Variants in TSR2 observed in about 807,000 individuals in gnomAD.
TSR2 encodes pre-rRNA-processing protein TSR2 homolog.
A neutral mutation model predicts 13.3 loss-of-function variants in TSR2; 1 was observed. That is an observed-to-expected ratio of 0.08 (90% CI 0.03 to 0.36). TSR2 has a LOEUF of 0.36. Ranked by LOEUF, TSR2 falls within the 10% of genes least tolerant of loss-of-function variation. TSR2 has a pLI of 0.99. For missense variants in TSR2, 120 were observed against 151.1 expected, an observed-to-expected ratio of 0.79 and a Z score of 1.08; for synonymous variants, 60 against 57.7, an observed-to-expected ratio of 1.04 and a Z score of -0.18.
At chrX:54,444,260 A>T in intron 4 of TSR2, 76 bp downstream of exon 4, 1 of 1,174,762 alleles carries the variant, frequency 8.5e-7, no homozygotes, top group African/African-American at 1.8e-5. Context: ...TTCACAGGGA[A>T]GTGATAAGGG....
rs931905564 is a variant in TSR2, at chrX:54,447,525, C to T, written c.*2975C>T. 17 of 1,072,153 alleles carry T rather than the reference C, an allele frequency of 1.6e-5. No homozygotes were observed. The African/African-American group carries it at 2.8e-4, about 17-fold the overall frequency. 88.4% of individuals were successfully genotyped at this position (1,072,153 alleles called of 1,213,427 possible). On this transcript the variant is annotated 3_prime_UTR_variant, in exon 5 of 5. Transcript: ENST00000375151. ...CTGGCTCCTCCTAGCTTTAATACCT[C>T]CTCAGTGTAGGGACTGCTATTCCTA...
chrX:54,440,449 G>T lies in TSR2; in HGVS notation c.28G>T (p.Ala10Ser), dbSNP rs752641088. 1.1e-5 allele frequency: 13 copies of T among 1,130,518 alleles called. No individual in the cohort carries two copies. The South Asian group carries it at 2.7e-4, about 23-fold the overall frequency. 93.2% of individuals were successfully genotyped at this position (1,130,518 alleles called of 1,213,427 possible). The change falls in exon 1 of 5, where the codon GCT becomes TCT. Residue 10 changes from alanine to serine, a missense_variant. Physicochemically the swap from Ala to Ser is moderately conservative, Grantham distance 99 (BLOSUM62 1). Coordinates refer to ENST00000375151, the MANE Select transcript of TSR2 (RefSeq NM_058163.3). MAGAAEDAR[A>S]LFRAGVCAAL... ...GGCGGGCGCTGCAGAAGATGCGCGAGCTCTTTTCCGGGCTGGGGTCTGCGC... is the reference window on the plus strand; with the variant it reads ...GGCGGGCGCTGCAGAAGATGCGCGATCTCTTTTCCGGGCTGGGGTCTGCGC...
At position 54,444,692 on chromosome X, in the gene TSR2, C is replaced by CAGA; in HGVS notation, c.*142_*143insAGA. 1.6e-6 allele frequency: 1 copy of CAGA among 612,200 alleles called. No individual in the cohort carries two copies. Among genetic ancestry groups the CAGA allele is most frequent in the Non-Finnish European group, 2.4e-6 (1 of 415,614 alleles). 50.5% of individuals were successfully genotyped at this position (612,200 alleles called of 1,213,427 possible). The stretch of plus-strand genomic sequence containing the variant: ...CCCCTGTTCCTCTGTCTGGCTCCCT[C>CAGA]CAGGGCAAGGAAAACCTAGGGTCCT... On this transcript the variant is annotated 3_prime_UTR_variant, in exon 5 of 5. Transcript: ENST00000375151.
In TSR2 at chrX:54,444,268, G is replaced by C. The variant is rs1053225983; in HGVS notation, c.441+84G>C. 4.3e-6 allele frequency: 5 copies of C among 1,166,952 alleles called. No individual in the cohort carries two copies. The Admixed American group carries it at 9.7e-5, about 23-fold the overall frequency. On this transcript the variant is annotated intron_variant, in intron 4 of 4. Transcript: ENST00000375151. The stretch of plus-strand genomic sequence containing the variant: ...AGCTAGATTCACAGGGAAGTGATAA[G>C]GGGATGGTGGTGGTTGGTGGTAGTA...
At chrX:54,443,876 A>T (rs1320739916) in intron 3 of TSR2, 132 bp from the exon 4 acceptor site, 3 of 973,164 alleles carry the variant, frequency 3.1e-6, no homozygotes, top group African/African-American at 3.9e-5. Context: ...TCATTGGTTA[A>T]TTCCTTGGGG....
rs908514356 is a variant in TSR2, at chrX:54,444,695, G to A, written c.*145G>A. On this transcript the variant is annotated 3_prime_UTR_variant, in exon 5 of 5. Coordinates refer to ENST00000375151, the MANE Select transcript of TSR2 (RefSeq NM_058163.3). ...CTGTTCCTCTGTCTGGCTCCCTCCA[G>A]GGCAAGGAAAACCTAGGGTCCTTGG... The A allele has an allele frequency of 1.7e-6, 1 of 596,905 alleles. No individual in the cohort carries two copies. Among genetic ancestry groups the A allele is most frequent in the African/African-American group, 2.3e-5 (1 of 42,626 alleles). The allele number at this position is 596,905 out of a possible 1,213,427, so 49.2% of individuals were successfully genotyped here.
rs1401219387 is a variant in TSR2 at position 54,444,306 on chromosome X, G to C, written c.442-110G>C. The C allele has an allele frequency of 4.4e-6, 5 of 1,146,289 alleles. No individual in the cohort carries two copies. In the East Asian group the frequency reaches 1.5e-4, roughly 35 times the overall value. The allele number at this position is 1,146,289 out of a possible 1,213,427, so 94.5% of individuals were successfully genotyped here. On this transcript the variant is annotated intron_variant, in intron 4 of 4. Transcript: ENST00000375151. ...GTTGGTGGTAGTAGTATTATCCAGA[G>C]AGGGCAGGGAACTTTCCTAAAGTTA...
intron 2 of TSR2, among the ~76,000 whole-genome samples, chrX:54,441,893 A>C (rs1027088072): frequency 1.8e-5 from 2 of 111,962 alleles, no homozygotes; most frequent in African/African-American, 6.5e-5. Context: ...TCAGTGAAGA[A>C]GCTTCTCCAG....
intron 2 of TSR2, among the ~76,000 whole-genome samples, 183 bp downstream of exon 2, chrX:54,440,963 C>T (rs1444945162): frequency 1.8e-5 from 2 of 111,569 alleles, no homozygotes; most frequent in African/African-American, 6.5e-5. Flanking sequence ...GTACCACTGA[C>T]TCGTGGGATT....
Position 54,445,487 on chromosome X carries a change from TA to T in TSR2, c.*950del, listed in dbSNP as rs562478629. The T allele has an allele frequency of 2.4e-3, 239 of 100,168 alleles. No homozygotes were observed. Among genetic ancestry groups the T allele is most frequent in the Middle Eastern group, 5.2e-3 (1 of 194 alleles). The allele number at this position is 100,168 out of a possible 1,213,427, so 8.3% of individuals were successfully genotyped here. A position where few individuals can be genotyped will look rare whatever the true frequency, so the allele number is the denominator to read the frequency against. ...AGCCTGAAATAAACTGTATTTTTCT[TA>T]AAAAAAAAAAAACACACAAAAAAAC... On this transcript the variant is annotated 3_prime_UTR_variant, in exon 5 of 5. Coordinates refer to ENST00000375151, the MANE Select transcript of TSR2 (RefSeq NM_058163.3).
At position 54,441,110 on chromosome X, in the gene TSR2, T is replaced by C. The variant is rs767671520; in HGVS notation, c.172+330T>C. On this transcript the variant is annotated intron_variant, in intron 2 of 4. Transcript: ENST00000375151. ...TAATTTAAAATTTTTTAGTAGCCAC[T>C]TTAATAAAGCAAAAAGCAGATGAAA... 8.9e-5 allele frequency among the ~76,000 whole-genome samples: 10 copies of C among 112,602 alleles called. 1 individual carries two copies. The South Asian group carries it at 1.1e-3, about 12-fold the overall frequency.
Position 54,446,466 on chromosome X carries a change from C to G in TSR2, c.*1916C>G, listed in dbSNP as rs768051698. Reference sequence around the variant, plus strand: ...GCCACCTTGGGGCTAGACCTTTCCCCCGCCCCAGCTTCTAACTGGTTTTGC... The same window carrying G: ...GCCACCTTGGGGCTAGACCTTTCCCGCGCCCCAGCTTCTAACTGGTTTTGC... On this transcript the variant is annotated 3_prime_UTR_variant, in exon 5 of 5. Coordinates refer to ENST00000375151, the MANE Select transcript of TSR2 (RefSeq NM_058163.3). The G allele has an allele frequency of 7.2e-6, 8 of 1,117,293 alleles. No homozygotes were observed. The African/African-American group carries it at 1.4e-4, about 20-fold the overall frequency. The allele number at this position is 1,117,293 out of a possible 1,213,427, so 92.1% of individuals were successfully genotyped here. A position where few individuals can be genotyped will look rare whatever the true frequency, so the allele number is the denominator to read the frequency against.
intron 2 of TSR2, among the ~76,000 whole-genome samples, chrX:54,442,246 G>C (rs1333583271): frequency 7.2e-5 from 8 of 111,431 alleles, no homozygotes; most frequent in African/African-American, 2.3e-4. Flanking sequence ...AGAAACTGAT[G>C]AGGCCTGAAG....
chrX:54,441,453 ATC>A (rs1921935558), intron 2 of TSR2, among the ~76,000 whole-genome samples: 1 of 112,009 alleles, frequency 8.9e-6, no homozygotes, highest in Admixed American at 9.5e-5. Context: ...AGGCAGAGTC[ATC>A]TCTCTCAAGA....
rs768987090 is a variant in TSR2 at position 54,444,778 on chromosome X, G to A, written c.*228G>A. 1.7e-4 allele frequency: 45 copies of A among 270,421 alleles called. No homozygotes were observed. The highest frequency in any genetic ancestry group is 2.4e-4 in the Non-Finnish European group (37 of 152,321). 22.3% of individuals were successfully genotyped at this position (270,421 alleles called of 1,213,427 possible). A position where few individuals can be genotyped will look rare whatever the true frequency, so the allele number is the denominator to read the frequency against. On this transcript the variant is annotated 3_prime_UTR_variant, in exon 5 of 5. Transcript: ENST00000375151. ...TCCCCTGGGCCTTTAGTTAACATCC[G>A]AGTGACGAAGCCGGGTTCCCCAGTA...
chrX:54,447,258 T>TG lies in TSR2; in HGVS notation c.*2710dup, dbSNP rs1208403636. The TG allele has an allele frequency of 2.5e-6, 3 of 1,183,935 alleles. No homozygotes were observed. In the African/African-American group the frequency reaches 5.3e-5, roughly 21 times the overall value. ...CCAAGGCCAAGGAGAGGTCAAGGACTGGATCTGGCTTTGCCAGGTGGCTGA... is the reference window on the plus strand; with the variant it reads ...CCAAGGCCAAGGAGAGGTCAAGGACTGGGATCTGGCTTTGCCAGGTGGCTGA... On this transcript the variant is annotated 3_prime_UTR_variant, in exon 5 of 5. Transcript: ENST00000375151.
intron 3 of TSR2, 36 bp downstream of exon 3, chrX:54,443,527 C>T (rs775484759): frequency 3.0e-6 from 3 of 1,006,343 alleles, no homozygotes; most frequent in Non-Finnish European, 4.1e-6. Flanking sequence ...AGTCTCCCTA[C>T]CTGTAGTCTT....
At position 54,446,011 on chromosome X, in the gene TSR2, CA is replaced by C; in HGVS notation, c.*1463del. On this transcript the variant is annotated 3_prime_UTR_variant, in exon 5 of 5. Coordinates refer to ENST00000375151, the MANE Select transcript of TSR2 (RefSeq NM_058163.3). ...ATTGAAAGTGCCCGTGATGGGAGTT[CA>C]AGTATTGACTGAGCTGGGAGGGAAG... is the stretch of plus-strand genomic sequence containing the variant. The C allele has an allele frequency of 1.6e-6, 1 of 637,388 alleles. No homozygotes were observed. Among genetic ancestry groups the C allele is most frequent in the Non-Finnish European group, 2.4e-6 (1 of 415,676 alleles). The allele number at this position is 637,388 out of a possible 1,213,427, so 52.5% of individuals were successfully genotyped here.
Position 54,447,214 on chromosome X carries a change from C to A in TSR2, c.*2664C>A, listed in dbSNP as rs898032601. ...CTTAGAGATAGGCTCACCTTATCTT[C>A]CAAGGCTCACCTTATCTTCCAAGGC... On this transcript the variant is annotated 3_prime_UTR_variant, in exon 5 of 5. Coordinates refer to ENST00000375151, the MANE Select transcript of TSR2 (RefSeq NM_058163.3). The A allele has an allele frequency of 4.0e-5, 39 of 984,288 alleles. No homozygotes were observed. Among genetic ancestry groups the A allele is most frequent in the Non-Finnish European group, 5.3e-5 (37 of 695,113 alleles). 81.1% of individuals were successfully genotyped at this position (984,288 alleles called of 1,213,427 possible).
Sources: gnomAD v4.1 joint callset for allele counts (sites outside exome capture counted in the v4.1 genomes callset) on GRCh38, gnomAD v4.1.1 for gene constraint, MANE v1.5 for transcripts, NCBI Gene and HGNC (gene_info 2026-07-23, HGNC 2026-07-21) for gene names.